The following TNRC6C variants were observed in gnomAD, a reference collection of about 807,000 sequenced individuals.
The protein encoded by TNRC6C is trinucleotide repeat-containing gene 6C protein.
In TNRC6C, 20 loss-of-function variants were observed where a neutral mutation model predicts 153.7. The observed-to-expected ratio is 0.13, with a 90% CI of 0.09 to 0.19. TNRC6C has a LOEUF of 0.19. Ranked by LOEUF, TNRC6C falls within the 10% of genes least tolerant of loss-of-function variation. TNRC6C has a pLI of 1.00. For synonymous variants in TNRC6C, 811 were observed against 841.4 expected (o/e 0.96, Z 0.63); for missense variants, 1,987 against 2,172.0 (o/e 0.91, Z 1.69).
chr17:78,099,822 C>G (rs1052777557), intron 17 of TNRC6C, among the ~76,000 whole-genome samples: 25 of 152,350 alleles, frequency 1.6e-4, no homozygotes, highest in Non-Finnish European at 2.9e-4. Context: ...AAAGTCTCAT[C>G]TGAGGTAAGG....
intron 3 of TNRC6C, among the ~76,000 whole-genome samples, chr17:78,059,848 A>G (rs2072731113): frequency 7.0e-6 from 1 of 142,782 alleles, no homozygotes; most frequent in African/African-American, 2.6e-5. Context: ...CCCTGTCTCA[A>G]AAAAAAAAAA....
At chr17:78,053,897 C>G (rs930898194) in intron 3 of TNRC6C, among the ~76,000 whole-genome samples, 2 of 152,072 alleles carry the variant, frequency 1.3e-5, no homozygotes, top group African/African-American at 4.8e-5. Flanking sequence ...GCTCCAGGAA[C>G]AGAATTAATA....
chr17:78,087,066 C>G lies in TNRC6C; in HGVS notation c.3775C>G (p.Pro1259Ala), dbSNP rs1025664912. The G allele has an allele frequency of 2.1e-5, 34 of 1,613,666 alleles. No homozygotes were observed. Among genetic ancestry groups the G allele is most frequent in the Non-Finnish European group, 2.8e-5 (33 of 1,179,856 alleles). Residue 1259 changes from proline to alanine, a missense_variant, in exon 13 of 20, where the codon CCC becomes GCC. Coordinates refer to ENST00000301624, the Ensembl canonical transcript of TNRC6C. Reference sequence around the variant, plus strand: ...GCAGACCAAAGAGCAGCAGTCTTCACCCAACACCTTTGCTCCTTACCCTCT... The same window carrying G: ...GCAGACCAAAGAGCAGCAGTCTTCAGCCAACACCTTTGCTCCTTACCCTCT...
intron 1 of TNRC6C, among the ~76,000 whole-genome samples, chr17:77,995,735 C>G (rs1001168): frequency 0.31 from 47,648 of 152,062 alleles, 7,647 homozygotes; most frequent in East Asian, 0.41. Flanking sequence ...CACACACACA[C>G]ACACGTGTCA....
chr17:78,067,157 A>G (rs2144236073), intron 4 of TNRC6C: 1 of 152,360 alleles, frequency 6.6e-6, no homozygotes, highest in East Asian at 1.9e-4. Flanking sequence ...AGCCTGGGCA[A>G]CATAGTGAGA....
At chr17:77,991,714 A>G (rs1464299064) in intron 1 of TNRC6C, among the ~76,000 whole-genome samples, 5 of 152,250 alleles carry the variant, frequency 3.3e-5, no homozygotes, top group Non-Finnish European at 7.3e-5. Context: ...TGATATATAT[A>G]TAAGAAATTG....
intron 3 of TNRC6C, among the ~76,000 whole-genome samples, chr17:78,064,161 C>T (rs1312832012): frequency 6.6e-6 from 1 of 152,132 alleles, no homozygotes; most frequent in African/African-American, 2.4e-5. Flanking sequence ...TAACTTAGGA[C>T]TTCGTAAAAC....
intron 4 of TNRC6C, chr17:78,066,571 T>C (rs2072884108): frequency 6.6e-6 from 1 of 152,236 alleles, no homozygotes; most frequent in South Asian, 2.1e-4. Flanking sequence ...CAGCCTTGTA[T>C]CTTCATTGAA....
intron 16 of TNRC6C, 70 bp from the exon 19 acceptor site, chr17:78,097,675 C>A: frequency 9.0e-7 from 1 of 1,113,114 alleles, no homozygotes; most frequent in Non-Finnish European, 1.3e-6. Context: ...ATGGTTCTCA[C>A]ACCCCACAGT....
At chr17:77,978,963 C>T (rs190337837) in intron 1 of TNRC6C, among the ~76,000 whole-genome samples, 38 of 152,314 alleles carry the variant, frequency 2.5e-4, no homozygotes, top group African/African-American at 8.9e-4. Flanking sequence ...TTCACAGCCT[C>T]AGCCTATCTC....
At chr17:77,958,149 G>A (rs2070823624), upstream of TNRC6C, among the ~76,000 whole-genome samples, 3 of 151,792 alleles carry the variant, frequency 2.0e-5, no homozygotes, top group Admixed American at 1.3e-4. Flanking sequence ...GGCGAGACGC[G>A]CGCCGGTGCG....
At chr17:78,071,064 C>G (rs1323103495) in intron 5 of TNRC6C, 21 bp from the exon 8 acceptor site, 1 of 1,585,990 alleles carries the variant, frequency 6.3e-7, no homozygotes, top group South Asian at 1.2e-5. Context: ...GGACTTCCCC[C>G]TTTCCCACAC....
chr17:78,103,557 T>C lies in TNRC6C; in HGVS notation c.4712+4T>C, dbSNP rs1288903784. On this transcript the variant is annotated splice_donor_region_variant and intron_variant, in intron 19 of 19. Coordinates refer to ENST00000301624, the Ensembl canonical transcript of TNRC6C. ...AGGCCCAGAAGTCTCTGCACATGTA[T>C]GTTTTCTCACAGCCACCTCAGCGCT... 2 of 1,613,900 alleles carry C rather than the reference T, an allele frequency of 1.2e-6. No individual in the cohort carries two copies. The highest frequency in any genetic ancestry group is 1.3e-5 in the African/African-American group (1 of 75,040).
intron 1 of TNRC6C, among the ~76,000 whole-genome samples, chr17:77,968,907 G>T (rs560496205): frequency 6.6e-6 from 1 of 152,242 alleles, no homozygotes; most frequent in East Asian, 1.9e-4. Flanking sequence ...TCCTGAAACT[G>T]CACTTGAGAG....
At chr17:78,027,676 T>C (rs2071969207) in intron 1 of TNRC6C, among the ~76,000 whole-genome samples, 1 of 152,140 alleles carries the variant, frequency 6.6e-6, no homozygotes. Context: ...CTGACCCCAT[T>C]GATTGTGAGA....
chr17:77,968,283 C>T (rs1382330042), intron 1 of TNRC6C, among the ~76,000 whole-genome samples: 6 of 152,142 alleles, frequency 3.9e-5, no homozygotes, highest in East Asian at 1.9e-4. Context: ...TCGCCCACCT[C>T]GGCCTCCCAA....
At chr17:78,072,037 A>C (rs2073007335) in intron 6 of TNRC6C, among the ~76,000 whole-genome samples, 1 of 152,198 alleles carries the variant, frequency 6.6e-6, no homozygotes, top group Non-Finnish European at 1.5e-5. Flanking sequence ...CAAAATCCTT[A>C]TTCAAATTAG....
intron 17 of TNRC6C, among the ~76,000 whole-genome samples, chr17:78,101,066 G>A (rs1294242484): frequency 3.3e-5 from 5 of 152,096 alleles, no homozygotes; most frequent in South Asian, 2.1e-4. Context: ...GTGAGCCACC[G>A]TGCCTGGCCA....
At chr17:78,059,548 G>C (rs941313522) in intron 3 of TNRC6C, among the ~76,000 whole-genome samples, 2 of 152,154 alleles carry the variant, frequency 1.3e-5, no homozygotes, top group African/African-American at 2.4e-5. Flanking sequence ...GATGAAGACA[G>C]TTGAAAATAC....
Sources: allele counts gnomAD v4.1 joint callset (sites outside exome capture counted in the v4.1 genomes callset), GRCh38; gene constraint gnomAD v4.1.1; transcripts MANE v1.5; gene names NCBI Gene and HGNC (gene_info 2026-07-23, HGNC 2026-07-21).